The following IZUMO1R variants were observed in gnomAD, a reference collection of about 807,000 sequenced individuals.
IZUMO1R encodes IZUMO1 receptor, JUNO, also known as sperm-egg fusion protein Juno.
A neutral mutation model predicts 22.1 loss-of-function variants in IZUMO1R; 24 were observed. The ratio of observed to expected loss-of-function variants is 1.09; its 90% CI spans 0.79 to 1.53. The LOEUF is 1.53. IZUMO1R is among the 40% of genes most tolerant of loss of function. IZUMO1R has a pLI of 0.00. For synonymous variants in IZUMO1R, 133 were observed against 121.2 expected (o/e 1.10, Z -0.64); for missense variants, 308 against 314.9 (o/e 0.98, Z 0.17).
intron 1 of IZUMO1R, among the ~76,000 whole-genome samples, chr11:94,305,259 C>T (rs1944003190): frequency 6.6e-6 from 1 of 152,182 alleles, no homozygotes; most frequent in Non-Finnish European, 1.5e-5. Context: ...TTTTGTCTCT[C>T]TTTCCACTAC....
In IZUMO1R at chr11:94,305,653, C is replaced by G. The variant is rs184112650; in HGVS notation, c.17C>G (p.Pro6Arg). 6.2e-7 allele frequency: 1 copy of G among 1,612,980 alleles called. No individual in the cohort carries two copies. The highest frequency in any genetic ancestry group is 8.5e-7 in the Non-Finnish European group (1 of 1,179,764). MACWW[P>R]LLLELWTVMP... ...TAGCAGGCCATGGCATGCTGGTGGCCGCTCCTGCTAGAGCTGTGGACAGTC... is the reference window on the plus strand; with the variant it reads ...TAGCAGGCCATGGCATGCTGGTGGCGGCTCCTGCTAGAGCTGTGGACAGTC... Residue 6 changes from proline (P) to arginine (R), a missense_variant, in exon 2 of 5, where the codon CCG becomes CGG. Transcript: ENST00000687084.
Position 94,306,526 on chromosome 11 carries a change from A to C in IZUMO1R, c.152A>C (p.Lys51Thr), listed in dbSNP as rs763055092. The change falls in exon 3 of 5, where the codon AAG becomes ACG. Residue 51 changes from lysine to threonine, a missense_variant. By Grantham distance (78) the Lys-to-Thr change is moderately conservative. Coordinates refer to ENST00000687084, the MANE Select transcript of IZUMO1R (RefSeq NM_001199206.4). ...DKLYEECIPW[K>T]DNACCTLTTS... ...CTCTGCCTTCAGTGCATCCCCTGGA[A>C]GGACAATGCCTGCTGCACCCTCACG... 7.4e-6 allele frequency: 12 copies of C among 1,613,910 alleles called. No homozygotes were observed. In the South Asian group the frequency reaches 1.3e-4, roughly 18 times the overall value.
chr11:94,305,733 C>A lies in IZUMO1R; in HGVS notation c.97C>A (p.His33Asn). The A allele has an allele frequency of 1.2e-6, 2 of 1,613,322 alleles. No homozygotes were observed. Among genetic ancestry groups the A allele is most frequent in the South Asian group, 2.2e-5 (2 of 91,012 alleles). The change falls in exon 2 of 5, where the codon CAC (histidine) becomes AAC (asparagine). Residue 33 changes from histidine to asparagine, a missense_variant. Physicochemically the swap from His to Asn is moderately conservative, Grantham distance 68. Transcript: ENST00000687084. ...LLNICMNAKH[H>N]KRVPSPEDKL... ...CAACATCTGCATGAATGCCAAACAC[C>A]ACAAGAGAGTGCCCAGCCCAGAAGA... is the stretch of plus-strand genomic sequence containing the variant.
Position 94,306,533 on chromosome 11 carries a change from T to C in IZUMO1R, c.159T>C (p.Asn53=). Reference sequence around the variant, plus strand: ...TTCAGTGCATCCCCTGGAAGGACAATGCCTGCTGCACCCTCACGACAAGCT... The same window carrying C: ...TTCAGTGCATCCCCTGGAAGGACAACGCCTGCTGCACCCTCACGACAAGCT... ...LYEECIPWKD[N]ACCTLTTSWE... is the part of the protein sequence containing the mutation. Residue 53 remains asparagine (N), a synonymous_variant, in exon 3 of 5, where the codon AAT becomes AAC. Transcript: ENST00000687084. 1.9e-6 allele frequency: 3 copies of C among 1,613,894 alleles called. No homozygotes were observed. The highest frequency in any genetic ancestry group is 1.7e-6 in the Non-Finnish European group (2 of 1,179,840).
rs767999403 is a variant in IZUMO1R at position 94,305,782 on chromosome 11, G to A, written c.138+8G>A. ...GACAAGCTCTATGAGGAGGTACAGA[G>A]GCCAGACCTGGGTATGGGATGGGGA... On this transcript the variant is annotated splice_region_variant and intron_variant, in intron 2 of 4. Transcript: ENST00000687084. 6.8e-6 allele frequency: 11 copies of A among 1,612,192 alleles called. No homozygotes were observed. Among genetic ancestry groups the A allele is most frequent in the Non-Finnish European group, 9.3e-6 (11 of 1,179,348 alleles).
At chr11:94,306,071 G>C (rs934411465) in intron 2 of IZUMO1R, among the ~76,000 whole-genome samples, 1 of 151,808 alleles carries the variant, frequency 6.6e-6, no homozygotes, top group African/African-American at 2.4e-5. Flanking sequence ...AGGTCCTGGG[G>C]CAACATATGA....
rs767839671 is a variant in IZUMO1R at position 94,305,616 on chromosome 11, T to C, written c.-6-15T>C. ...TGTCATTTCCATCAAGTGTGCAGCATGGGTCTCTCTGTAGCAGGCCATGGC... is the reference window on the plus strand; with the variant it reads ...TGTCATTTCCATCAAGTGTGCAGCACGGGTCTCTCTGTAGCAGGCCATGGC... On this transcript the variant is annotated splice_polypyrimidine_tract_variant and intron_variant, in intron 1 of 4. Coordinates refer to ENST00000687084, the MANE Select transcript of IZUMO1R (RefSeq NM_001199206.4). 13 of 1,611,780 alleles carry C rather than the reference T, an allele frequency of 8.1e-6. No homozygotes were observed. The African/African-American group carries it at 1.6e-4, about 20-fold the overall frequency.
chr11:94,305,742 G>C lies in IZUMO1R; in HGVS notation c.106G>C (p.Val36Leu), dbSNP rs774406340. 4 of 1,613,280 alleles carry C rather than the reference G, an allele frequency of 2.5e-6. No homozygotes were observed. The change falls in exon 2 of 5, where the codon GTG becomes CTG. Residue 36 changes from valine to leucine, a missense_variant. Transcript: ENST00000687084. ...ICMNAKHHKRVPSPEDKLYEE... is the reference protein window; with the variant it reads ...ICMNAKHHKRLPSPEDKLYEE... Reference sequence around the variant, plus strand: ...CATGAATGCCAAACACCACAAGAGAGTGCCCAGCCCAGAAGACAAGCTCTA... The same window carrying C: ...CATGAATGCCAAACACCACAAGAGACTGCCCAGCCCAGAAGACAAGCTCTA...
intron 1 of IZUMO1R, 83 bp from the exon 2 acceptor site, chr11:94,305,548 C>T: frequency 6.7e-7 from 1 of 1,502,218 alleles, no homozygotes; most frequent in South Asian, 1.2e-5. Flanking sequence ...GAAGCCCATC[C>T]CCCTTTCCCA....
Position 94,306,680 on chromosome 11 carries a change from C to T in IZUMO1R, c.306C>T (p.Asn102=), listed in dbSNP as rs368510324. ...QAICFYECSP[N]LGPWIQPVGS... Reference sequence around the variant, plus strand: ...TCTGCTTCTATGAGTGCTCCCCAAACCTGGGGCCCTGGATCCAGCCAGTGG... The same window carrying T: ...TCTGCTTCTATGAGTGCTCCCCAAATCTGGGGCCCTGGATCCAGCCAGTGG... Residue 102 remains asparagine (N), a synonymous_variant, in exon 3 of 5, where the codon AAC becomes AAT. Coordinates refer to ENST00000687084, the MANE Select transcript of IZUMO1R (RefSeq NM_001199206.4). The T allele has an allele frequency of 6.2e-6, 10 of 1,613,880 alleles. No individual in the cohort carries two copies. Among genetic ancestry groups the T allele is most frequent in the Non-Finnish European group, 6.8e-6 (8 of 1,179,896 alleles).
At chr11:94,304,938 C>A (rs528400107) in intron 1 of IZUMO1R, among the ~76,000 whole-genome samples, 59 bp downstream of exon 1, 12 of 152,242 alleles carry the variant, frequency 7.9e-5, no homozygotes, top group African/African-American at 2.4e-4. Flanking sequence ...CCTAACAGAT[C>A]TGATTCTTTA....
Position 94,308,117 on chromosome 11 carries a change from G to C in IZUMO1R, c.*425G>C, listed in dbSNP as rs1373706181. On this transcript the variant is annotated 3_prime_UTR_variant, in exon 5 of 5. Coordinates refer to ENST00000687084, the MANE Select transcript of IZUMO1R (RefSeq NM_001199206.4). ...AGACCTGGCCTCCCATCCTCCGACG[G>C]TGTCTTCAATAAATCGGCACTCAAC... 6.6e-6 allele frequency among the ~76,000 whole-genome samples: 1 copy of C among 151,824 alleles called. No homozygotes were observed. Among genetic ancestry groups the C allele is most frequent in the African/African-American group, 2.4e-5 (1 of 41,366 alleles).
intron 1 of IZUMO1R, among the ~76,000 whole-genome samples, 193 bp from the exon 2 acceptor site, chr11:94,305,438 G>A (rs968335684): frequency 6.6e-6 from 1 of 152,184 alleles, no homozygotes; most frequent in Non-Finnish European, 1.5e-5. Flanking sequence ...ACTGTGTCAG[G>A]CCTCCAAGGA....
chr11:94,307,555 TGTCTCCAGAAGTG>T lies in IZUMO1R; in HGVS notation c.619_631del (p.Gln208SerfsTer77). On this transcript the variant is annotated frameshift_variant, in exon 5 of 5. Coordinates refer to ENST00000687084, the MANE Select transcript of IZUMO1R (RefSeq NM_001199206.4). LOFTEE classifies it low-confidence loss of function (END_TRUNC). ...CCCTGAGCGACGGAACAGTGGGCGG[TGTCTCCAGAAGTG>T]GTTTGAGCCTGCTCAGGGCAACCCC... is the stretch of plus-strand genomic sequence containing the variant. 6.2e-7 allele frequency: 1 copy of T among 1,613,760 alleles called. No homozygotes were observed. Among genetic ancestry groups the T allele is most frequent in the South Asian group, 1.1e-5 (1 of 91,084 alleles).
chr11:94,305,831 C>T, intron 2 of IZUMO1R, 57 bp downstream of exon 2: 1 of 1,582,674 alleles, frequency 6.3e-7, no homozygotes, highest in Non-Finnish European at 8.6e-7. Flanking sequence ...GACACAAATG[C>T]CAAGATGGTC....
rs76781645 is a variant in IZUMO1R at position 94,305,619 on chromosome 11, G to T, written c.-6-12G>T. On this transcript the variant is annotated splice_polypyrimidine_tract_variant and intron_variant, in intron 1 of 4. Transcript: ENST00000687084. ...CATTTCCATCAAGTGTGCAGCATGG[G>T]TCTCTCTGTAGCAGGCCATGGCATG... 0.031 allele frequency: 50,737 copies of T among 1,611,572 alleles called. 3,636 individuals carry two copies. The highest frequency in any genetic ancestry group is 0.29 in the African/African-American group (21,463 of 74,742).
Position 94,307,729 on chromosome 11 carries a change from A to G in IZUMO1R, c.*37A>G. On this transcript the variant is annotated 3_prime_UTR_variant, in exon 5 of 5. Coordinates refer to ENST00000687084, the MANE Select transcript of IZUMO1R (RefSeq NM_001199206.4). ...CTCCCACTCACATTCCTGCATGTCC[A>G]CCAACTGTGGGTCAGGCCAGGCCAT... 6.2e-7 allele frequency: 1 copy of G among 1,603,310 alleles called. No individual in the cohort carries two copies. Among genetic ancestry groups the G allele is most frequent in the Non-Finnish European group, 8.5e-7 (1 of 1,172,906 alleles).
chr11:94,307,650 C>T lies in IZUMO1R; in HGVS notation c.711C>T (p.Tyr237=). ...CTGCCCCATCCTGGGAACTGTCCTA[C>T]ACCATCATGGTCTGCTCCCTGTTCC... is the stretch of plus-strand genomic sequence containing the variant. ...ASSAPSWELS[Y]TIMVCSLFLP... Residue 237 remains tyrosine (Y), a synonymous_variant, in exon 5 of 5, where the codon TAC becomes TAT. Transcript: ENST00000687084. 1 of 1,613,878 alleles carries T rather than the reference C, an allele frequency of 6.2e-7. No homozygotes were observed. Among genetic ancestry groups the T allele is most frequent in the Non-Finnish European group, 8.5e-7 (1 of 1,179,808 alleles).
At chr11:94,307,358 G>C in intron 4 of IZUMO1R, 58 bp downstream of exon 4, 1 of 1,611,968 alleles carries the variant, frequency 6.2e-7, no homozygotes, top group Admixed American at 1.7e-5. Flanking sequence ...TCCCCACAAG[G>C]GTGCAGGTGC....
Sources: allele counts gnomAD v4.1 joint callset (sites outside exome capture counted in the v4.1 genomes callset), GRCh38; gene constraint gnomAD v4.1.1; transcripts MANE v1.5; gene names NCBI Gene and HGNC (gene_info 2026-07-23, HGNC 2026-07-21).